Variants in DNAH9 observed in about 807,000 individuals in gnomAD.
The protein encoded by DNAH9 is DNAH9 variant protein.
In DNAH9, 345 loss-of-function variants were observed where a neutral mutation model predicts 471.6. That is an observed-to-expected ratio of 0.73 (90% CI 0.67 to 0.80). The LOEUF (loss-of-function observed/expected upper bound fraction) is 0.80, where lower values mean the gene tolerates loss of function less well. Among genes scored for constraint, DNAH9 ranks in the 30% least tolerant of loss-of-function variants. The probability of loss-of-function intolerance (pLI) is 0.00; values close to 1 mark genes in which losing one functional copy is unlikely to be tolerated. For synonymous variants in DNAH9, 2,093 were observed against 2,123.6 expected (o/e 0.99, Z 0.40); for missense variants, 5,407 against 5,609.2 (o/e 0.96, Z 1.15).
chr17:11,799,970 C>T (rs1969391868), intron 43 of DNAH9, among the ~76,000 whole-genome samples: 1 of 152,132 alleles, frequency 6.6e-6, no homozygotes, highest in African/African-American at 2.4e-5. Context: ...TGTTTTTGCT[C>T]CAGATCTGCA....
At chr17:11,636,991 T>C (rs957195987) in intron 9 of DNAH9, among the ~76,000 whole-genome samples, 10 of 152,212 alleles carry the variant, frequency 6.6e-5, no homozygotes, top group African/African-American at 1.9e-4. Context: ...GGGGCTGAGA[T>C]TGGCAGGCTG....
At chr17:11,638,277 T>C (rs1317929369) in intron 9 of DNAH9, among the ~76,000 whole-genome samples, 1 of 152,224 alleles carries the variant, frequency 6.6e-6, no homozygotes, top group African/African-American at 2.4e-5. Context: ...TCCCCATGAC[T>C]TCTTACGGTC....
At chr17:11,608,027 A>C (rs1315752388) in intron 1 of DNAH9, 102 bp from the exon 2 acceptor site, 10 of 861,428 alleles carry the variant, frequency 1.2e-5, no homozygotes, top group Non-Finnish European at 1.8e-5. Flanking sequence ...AGTGACCTGC[A>C]AAAGGTTGTA....
chr17:11,931,967 A>G, intron 63 of DNAH9, 47 bp from the exon 64 acceptor site: 1 of 1,600,348 alleles, frequency 6.2e-7, no homozygotes, highest in Non-Finnish European at 8.5e-7. Context: ...CCAGCCCCGT[A>G]TAAGAGAAGT....
rs182369480 is a variant in DNAH9 at position 11,892,673 on chromosome 17, C to A, written c.11283+726C>A. Among the ~76,000 whole-genome samples, 35 of 152,062 alleles carry A rather than the reference C, an allele frequency of 2.3e-4. No individual in the cohort carries two copies. Among genetic ancestry groups the A allele is most frequent in the Non-Finnish European group, 3.4e-4 (23 of 68,014 alleles). On this transcript the variant is annotated intron_variant, in intron 58 of 68. Transcript: ENST00000262442. The surrounding 1 kb of genome is among the most constrained non-coding windows in gnomAD (Gnocchi z 4.3). ...TCAAGTGATTCTCCTGCCTCAGGCT[C>A]CCGTGTAGCTGGGATTACAGGTGTG... is the stretch of plus-strand genomic sequence containing the variant.
At chr17:11,605,156 A>G (rs924516332) in intron 1 of DNAH9, among the ~76,000 whole-genome samples, 1 of 151,888 alleles carries the variant, frequency 6.6e-6, no homozygotes, top group African/African-American at 2.4e-5. Context: ...CCTGCAATAT[A>G]CTTCTCCCAA....
intron 48 of DNAH9, 27 bp from the exon 49 acceptor site, chr17:11,834,611 G>A: frequency 6.2e-7 from 1 of 1,612,768 alleles, no homozygotes; most frequent in Non-Finnish European, 8.5e-7. Context: ...CACAACTCCT[G>A]ATAAGTCCCG....
intron 41 of DNAH9, among the ~76,000 whole-genome samples, chr17:11,786,453 G>GC (rs200762452): frequency 0.013 from 1,906 of 152,256 alleles, 19 homozygotes; most frequent in South Asian, 0.041. Context: ...ACCAGAGTGG[G>GC]CCCTACTTAA....
chr17:11,766,901 A>G (rs1226835933), intron 36 of DNAH9, among the ~76,000 whole-genome samples: 1 of 151,842 alleles, frequency 6.6e-6, no homozygotes, highest in South Asian at 2.1e-4. Flanking sequence ...CCCGGGAGGC[A>G]GAGGTTGCCG....
intron 61 of DNAH9, 151 bp downstream of exon 61, chr17:11,905,960 A>C (rs1452961360): frequency 6.2e-6 from 7 of 1,128,986 alleles, no homozygotes; most frequent in Admixed American, 3.2e-5. Flanking sequence ...AAATAAAATC[A>C]GAAGATCACC....
chr17:11,705,165 G>A lies in DNAH9; in HGVS notation c.5532G>A (p.Val1844=). ...ACCTGGGAAACACACCTCGCTTGGT[G>A]ATCACACCTTTGACTGACAGGTGAG... is the stretch of plus-strand genomic sequence containing the variant. ...YEYLGNTPRL[V]ITPLTDRCYI... Residue 1844 remains valine (V), a synonymous_variant, in exon 26 of 69, where the codon GTG becomes GTA. Coordinates refer to ENST00000262442, the MANE Select transcript of DNAH9 (RefSeq NM_001372.4). 1.2e-6 allele frequency: 2 copies of A among 1,614,166 alleles called. No individual in the cohort carries two copies. The highest frequency in any genetic ancestry group is 1.7e-6 in the Non-Finnish European group (2 of 1,180,000).
Position 11,834,736 on chromosome 17 carries a change from T to C in DNAH9, c.9345T>C (p.Thr3115=), listed in dbSNP as rs746253900. The C allele has an allele frequency of 9.3e-6, 15 of 1,614,018 alleles. No individual in the cohort carries two copies. Among genetic ancestry groups the C allele is most frequent in the Non-Finnish European group, 1.3e-5 (15 of 1,180,008 alleles). ...DKLIQVVGVE[T]DKVSREKAMA... ...TGATTCAGGTCGTGGGTGTGGAGACTGACAAAGTGAGCAGAGAGAAAGCCA... is the reference window on the plus strand; with the variant it reads ...TGATTCAGGTCGTGGGTGTGGAGACCGACAAAGTGAGCAGAGAGAAAGCCA... The change falls in exon 49 of 69, where the codon ACT becomes ACC. Residue 3115 remains threonine, a synonymous_variant. Transcript: ENST00000262442.
At chr17:11,808,852 A>G (rs1969785439) in intron 44 of DNAH9, among the ~76,000 whole-genome samples, 1 of 152,182 alleles carries the variant, frequency 6.6e-6, no homozygotes, top group African/African-American at 2.4e-5. Context: ...TTTTCAAAGC[A>G]TCCCCAAGAT....
At position 11,694,647 on chromosome 17, in the gene DNAH9, TCGC is replaced by T. The variant is rs2074404321; in HGVS notation, c.4872+201_4872+203del. 1.5e-3 allele frequency among the ~76,000 whole-genome samples: 6 copies of T among 3,976 alleles called. 1 individual carries two copies. Among genetic ancestry groups the T allele is most frequent in the African/African-American group, 2.4e-3 (6 of 2,504 alleles). 2.6% of individuals were successfully genotyped at this position (3,976 alleles called of 152,430 possible). On this transcript the variant is annotated intron_variant, in intron 22 of 68. Coordinates refer to ENST00000262442, the MANE Select transcript of DNAH9 (RefSeq NM_001372.4). ...CTTGCTTTCTTGCTTTCTTGCTTTC[TCGC>T]TTTCTCGCTTTCTCGCTTTCTCGCT...
intron 4 of DNAH9, 87 bp from the exon 5 acceptor site, chr17:11,617,324 A>G (rs942039654): frequency 5.0e-5 from 42 of 835,582 alleles, no homozygotes; most frequent in Middle Eastern, 4.6e-4. Context: ...GTTGTTTTGC[A>G]GGTCTTTTAC....
intron 17 of DNAH9, among the ~76,000 whole-genome samples, chr17:11,678,647 G>A (rs2074086062): frequency 6.7e-6 from 1 of 150,128 alleles, no homozygotes; most frequent in South Asian, 2.1e-4. Flanking sequence ...TCTTTGCTCT[G>A]AAGCTAATTT....
chr17:11,756,313 C>G (rs1173531521), intron 33 of DNAH9, among the ~76,000 whole-genome samples: 1 of 151,566 alleles, frequency 6.6e-6, no homozygotes, highest in Non-Finnish European at 1.5e-5. Context: ...GTGAGACTCA[C>G]TCACAACCAT....
At chr17:11,691,235 G>A (rs755732293) in intron 20 of DNAH9, among the ~76,000 whole-genome samples, 15 of 152,104 alleles carry the variant, frequency 9.9e-5, no homozygotes, top group Non-Finnish European at 1.6e-4. Flanking sequence ...TTGTATATTT[G>A]CAGTGAAAAG....
intron 19 of DNAH9, among the ~76,000 whole-genome samples, chr17:11,689,174 T>G (rs2074290459): frequency 6.6e-6 from 1 of 152,088 alleles, no homozygotes; most frequent in Admixed American, 6.5e-5. Flanking sequence ...GCTTTCCGGC[T>G]TCTGCTGTAA....
Sources: gnomAD v4.1 joint callset for allele counts (sites outside exome capture counted in the v4.1 genomes callset) on GRCh38, gnomAD v4.1.1 for gene constraint, Gnocchi (gnomAD v3.1) non-coding constraint, MANE v1.5 for transcripts, NCBI Gene and HGNC (gene_info 2026-07-23, HGNC 2026-07-21) for gene names.